PLBD1: variants seen among roughly 807,000 people sequenced by gnomAD.
The protein encoded by PLBD1 is lysosomal leucine aminopeptidase.
In PLBD1, 60 loss-of-function variants were observed where a neutral mutation model predicts 63.0. The observed-to-expected ratio is 0.95, with a 90% CI of 0.77 to 1.18. The LOEUF is 1.18. Among genes scored for constraint, PLBD1 ranks in the 50% most tolerant of loss-of-function variants. The probability of loss-of-function intolerance (pLI) is 0.00; values close to 1 mark genes in which losing one functional copy is unlikely to be tolerated. For missense variants in PLBD1, 598 were observed against 677.9 expected, an observed-to-expected ratio of 0.88 and a Z score of 1.31; for synonymous variants, 262 against 248.0, an observed-to-expected ratio of 1.06 and a Z score of -0.53.
At chr12:14,551,433 T>C (rs1053099573) in intron 2 of PLBD1, among the ~76,000 whole-genome samples, 1 of 152,236 alleles carries the variant, frequency 6.6e-6, no homozygotes, top group African/African-American at 2.4e-5. Context: ...GCTTTTTCTA[T>C]AGATTTTTTT....
chr12:14,539,835 C>T (rs955880445), intron 4 of PLBD1, among the ~76,000 whole-genome samples: 22 of 150,084 alleles, frequency 1.5e-4, no homozygotes, highest in Non-Finnish European at 2.7e-4. Flanking sequence ...GTAACTCATT[C>T]CTTTCACTGG....
intron 1 of PLBD1, 42 bp from the exon 2 acceptor site, chr12:14,553,454 A>G (rs1216758355): frequency 1.4e-6 from 2 of 1,462,808 alleles, no homozygotes; most frequent in Admixed American, 1.7e-5. Context: ...CATTCAAATG[A>G]GTTGTGATGC....
rs749862513 is a variant in PLBD1, at chr12:14,536,626, C to T, written c.643G>A (p.Gly215Ser). ...CATCTCTTAAAAACCTTTAGGCTGC[C>T]GTTTTTTGTGGGAGAGAGTGAGGGA... ...LIPSLSPTKN[G>S]SLKVFKRWDM... Residue 215 changes from glycine to serine, a missense_variant, in exon 5 of 11, where the codon GGC becomes AGC. Transcript: ENST00000240617. 15 of 1,614,034 alleles carry T rather than the reference C, an allele frequency of 9.3e-6. No homozygotes were observed. Among genetic ancestry groups the T allele is most frequent in the African/African-American group, 4.0e-5 (3 of 74,918 alleles).
rs1031407010 is a variant in PLBD1, at chr12:14,505,673, A to G, written c.1479+489T>C. On this transcript the variant is annotated intron_variant, in intron 10 of 10. Coordinates refer to ENST00000240617, the MANE Select transcript of PLBD1 (RefSeq NM_024829.6). Reference sequence around the variant, plus strand: ...CTTATCAATTCTAACATTGTGAAAAACTGCTGTGCTTTAGGCATCTTGTCC... The same window carrying G: ...CTTATCAATTCTAACATTGTGAAAAGCTGCTGTGCTTTAGGCATCTTGTCC... Among the ~76,000 whole-genome samples, 3 of 152,198 alleles carry G rather than the reference A, an allele frequency of 2.0e-5. 1 individual carries two copies. Among genetic ancestry groups the G allele is most frequent in the African/African-American group, 4.8e-5 (2 of 41,454 alleles).
At chr12:14,527,232 T>C (rs549455436) in intron 6 of PLBD1, among the ~76,000 whole-genome samples, 3 of 152,318 alleles carry the variant, frequency 2.0e-5, no homozygotes, top group Admixed American at 6.5e-5. Context: ...TGACCAGTTA[T>C]TTGTGAAGGA....
At chr12:14,519,278 T>C (rs1323106833) in intron 6 of PLBD1, among the ~76,000 whole-genome samples, 2 of 152,158 alleles carry the variant, frequency 1.3e-5, no homozygotes, top group Admixed American at 6.5e-5. Flanking sequence ...TAAGGTCAAC[T>C]GAGGTCATAT....
chr12:14,515,414 A>G (rs1362019200), intron 6 of PLBD1, among the ~76,000 whole-genome samples: 1 of 152,170 alleles, frequency 6.6e-6, no homozygotes, highest in Non-Finnish European at 1.5e-5. Context: ...TACTTAAAAA[A>G]AAAACAGAAA....
chr12:14,528,003 G>A (rs1565574319), intron 6 of PLBD1, among the ~76,000 whole-genome samples: 1 of 151,880 alleles, frequency 6.6e-6, no homozygotes, highest in Non-Finnish European at 1.5e-5. Flanking sequence ...CCATACTTAT[G>A]AATGTATGTG....
rs1945566196 is a variant in PLBD1 at position 14,540,891 on chromosome 12, T to C, written c.431A>G (p.Lys144Arg). Residue 144 changes from lysine to arginine, a missense_variant, in exon 4 of 11, where the codon AAG becomes AGG. Physicochemically the swap from Lys to Arg is conservative, Grantham distance 26. Transcript: ENST00000240617. Reference protein sequence around the residue: ...KVQDFMEKQDKWTRKNIKEYK... With the variant: ...KVQDFMEKQDRWTRKNIKEYK... ...TTCTTTGATATTTTTCCGGGTCCAC[T>C]TATCTTGCTTCCTGGAAGAGAAATT... 1.9e-6 allele frequency: 3 copies of C among 1,596,504 alleles called. No homozygotes were observed. Among genetic ancestry groups the C allele is most frequent in the African/African-American group, 2.7e-5 (2 of 74,660 alleles).
chr12:14,533,733 A>AG (rs1461462378), intron 6 of PLBD1, among the ~76,000 whole-genome samples: 1 of 152,244 alleles, frequency 6.6e-6, no homozygotes, highest in Non-Finnish European at 1.5e-5. Flanking sequence ...AGGAGTCCCC[A>AG]GTCCCCCTCA....
rs1945294725 is a variant in PLBD1, at chr12:14,511,131, T to C, written c.1186+129A>G. ...TAAACCTGGTCATTCTGGTGTAATATAGCATCCCCATCCTGTCTTCCCCAC... is the reference window on the plus strand; with the variant it reads ...TAAACCTGGTCATTCTGGTGTAATACAGCATCCCCATCCTGTCTTCCCCAC... On this transcript the variant is annotated intron_variant, in intron 8 of 10. Transcript: ENST00000240617. The C allele has an allele frequency of 4.3e-5, 41 of 952,544 alleles. No individual in the cohort carries two copies. In the South Asian group the frequency reaches 7.0e-4, roughly 16 times the overall value. The allele number at this position is 952,544 out of a possible 1,614,324, so 59.0% of individuals were successfully genotyped here.
At chr12:14,506,061 G>A (rs1422931487) in intron 10 of PLBD1, 101 bp downstream of exon 10, 3 of 706,570 alleles carry the variant, frequency 4.2e-6, no homozygotes, top group Non-Finnish European at 6.8e-6. Flanking sequence ...TGAGTTTATG[G>A]TTAGCGACAT....
intron 1 of PLBD1, among the ~76,000 whole-genome samples, chr12:14,558,117 C>G (rs892262347): frequency 2.0e-5 from 3 of 149,964 alleles, no homozygotes; most frequent in Non-Finnish European, 4.4e-5. Flanking sequence ...ACTAGAGCAT[C>G]ATGGCACCGT....
intron 1 of PLBD1, chr12:14,553,723 G>A (rs1055916010): frequency 9.7e-6 from 4 of 413,566 alleles, no homozygotes; most frequent in Admixed American, 3.7e-5. Flanking sequence ...TGGACCTTAC[G>A]CCTACTTATT....
intron 6 of PLBD1, among the ~76,000 whole-genome samples, chr12:14,521,314 AAGG>A (rs1285732347): frequency 2.0e-5 from 3 of 152,216 alleles, no homozygotes; most frequent in African/African-American, 7.2e-5. Flanking sequence ...CCTTACCCTG[AAGG>A]AGCAGTCCCT....
At chr12:14,503,976 A>G in intron 10 of PLBD1, 22 bp from the exon 11 acceptor site, 1 of 1,574,772 alleles carries the variant, frequency 6.4e-7, no homozygotes, top group Admixed American at 1.8e-5. Flanking sequence ...GAGGAGGAGG[A>G]CATTTTAGAA....
chr12:14,558,984 C>T (rs887525641), intron 1 of PLBD1, among the ~76,000 whole-genome samples: 18 of 152,200 alleles, frequency 1.2e-4, no homozygotes, highest in African/African-American at 3.9e-4. Flanking sequence ...CCACTCCAAC[C>T]GAGGTCCTCC....
At chr12:14,545,976 G>A (rs993761126) in intron 2 of PLBD1, among the ~76,000 whole-genome samples, 5 of 152,126 alleles carry the variant, frequency 3.3e-5, no homozygotes, top group African/African-American at 1.2e-4. Context: ...AGCTAGACAA[G>A]TGTGTGGGTG....
intron 1 of PLBD1, 192 bp from the exon 2 acceptor site, chr12:14,553,604 G>A (rs1335471443): frequency 1.6e-5 from 10 of 609,358 alleles, no homozygotes; most frequent in Non-Finnish European, 2.0e-5. Flanking sequence ...AGGGGGATAA[G>A]CCCAAAACAC....
Sources: allele counts gnomAD v4.1 joint callset (sites outside exome capture counted in the v4.1 genomes callset), GRCh38; gene constraint gnomAD v4.1.1; transcripts MANE v1.5; gene names NCBI Gene and HGNC (gene_info 2026-07-23, HGNC 2026-07-21).